ROBO2: variants seen among roughly 807,000 people sequenced by gnomAD.
ROBO2 encodes the protein roundabout homolog 2.
Under a neutral mutation model 160.8 loss-of-function variants are expected in ROBO2, and 53 were observed. The observed-to-expected ratio is 0.33, with a 90% confidence interval of 0.26 to 0.41. The LOEUF is 0.41. Among genes scored for constraint, ROBO2 ranks in the 10% least tolerant of loss-of-function variants. The pLI, the probability that ROBO2 is intolerant of heterozygous loss-of-function variation, is 1.00. For missense variants in ROBO2, 1,577 were observed against 1,722.4 expected, an observed-to-expected ratio of 0.92 and a Z score of 1.49; for synonymous variants, 664 against 611.7, an observed-to-expected ratio of 1.09 and a Z score of -1.26.
chr3:77,128,669 C>T (rs1263174755), intron 2 of ROBO2, among the ~76,000 whole-genome samples: 1 of 152,046 alleles, frequency 6.6e-6, no homozygotes, highest in Admixed American at 6.5e-5. Context: ...TAATGGTGGA[C>T]CTTTCATCCC....
At chr3:77,235,625 T>C (rs1242812839) in intron 2 of ROBO2, among the ~76,000 whole-genome samples, 1 of 152,250 alleles carries the variant, frequency 6.6e-6, no homozygotes, top group East Asian at 1.9e-4. Flanking sequence ...AAGTCTCAGA[T>C]ATTTCAGAAT....
At chr3:77,027,986 T>C (rs1307364236) in intron 2 of ROBO2, among the ~76,000 whole-genome samples, 1 of 152,140 alleles carries the variant, frequency 6.6e-6, no homozygotes, top group African/African-American at 2.4e-5. Flanking sequence ...TTCTCTAGTT[T>C]TTGTTTCAGT....
chr3:76,896,734 T>A (rs1170205755), intron 2 of ROBO2, among the ~76,000 whole-genome samples: 2 of 152,176 alleles, frequency 1.3e-5, no homozygotes, highest in African/African-American at 2.4e-5. Context: ...TGGGAGTTTA[T>A]CATATCCTCA....
At chr3:76,819,619 TGGAGAGAGCTTGTATGTTG>T (rs1317038702) in intron 2 of ROBO2, among the ~76,000 whole-genome samples, 1 of 152,034 alleles carries the variant, frequency 6.6e-6, no homozygotes, top group African/African-American at 2.4e-5. Context: ...CATTCATTGT[TGGAGAGAGCTTGTATGTTG>T]GGATTGTTGT....
At chr3:75,980,740 C>G (rs2065251708) in intron 2 of ROBO2, among the ~76,000 whole-genome samples, 1 of 151,474 alleles carries the variant, frequency 6.6e-6, no homozygotes, top group Non-Finnish European at 1.5e-5. Flanking sequence ...GACAAAAAGT[C>G]TGAGTGCCAT....
At chr3:75,946,527 G>A (rs556732652) in intron 2 of ROBO2, among the ~76,000 whole-genome samples, 2 of 152,144 alleles carry the variant, frequency 1.3e-5, no homozygotes, top group African/African-American at 2.4e-5. Context: ...TGGTAACATG[G>A]TTGAGTAAAA....
intron 2 of ROBO2, among the ~76,000 whole-genome samples, chr3:76,065,497 G>A (rs73842950): frequency 0.021 from 3,122 of 151,924 alleles, 45 homozygotes; most frequent in East Asian, 0.081. Flanking sequence ...ATTTTGCACT[G>A]TAAGAAACAA....
At chr3:76,093,111 C>G (rs1559547416) in intron 2 of ROBO2, among the ~76,000 whole-genome samples, 1 of 151,940 alleles carries the variant, frequency 6.6e-6, no homozygotes, top group Non-Finnish European at 1.5e-5. Context: ...TTTGAATTTT[C>G]TAGTCTTTAT....
chr3:77,481,016 T>A (rs1352012384), intron 3 of ROBO2, 83 bp from the exon 4 acceptor site: 1 of 1,264,990 alleles, frequency 7.9e-7, no homozygotes, highest in Admixed American at 1.7e-5. Flanking sequence ...GCTCAAATAC[T>A]CAAAACTATT....
At chr3:77,360,262 C>CA (rs894236973) in intron 2 of ROBO2, among the ~76,000 whole-genome samples, 7 of 150,802 alleles carry the variant, frequency 4.6e-5, no homozygotes, top group East Asian at 4.0e-4. Flanking sequence ...ACCCCCCCCC[C>CA]AAATTTAGAA....
intron 2 of ROBO2, among the ~76,000 whole-genome samples, chr3:76,053,187 T>TA: frequency 6.6e-6 from 1 of 152,044 alleles, no homozygotes; most frequent in Non-Finnish European, 1.5e-5. Context: ...CTTTTTACGT[T>TA]AAAGTACATG....
intron 2 of ROBO2, among the ~76,000 whole-genome samples, chr3:76,603,189 G>A (rs1485017858): frequency 6.6e-6 from 1 of 150,910 alleles, no homozygotes; most frequent in Non-Finnish European, 1.5e-5. Context: ...AAAATTAGCT[G>A]GGCACTGTGG....
chr3:77,192,274 T>G (rs560100243), intron 2 of ROBO2, among the ~76,000 whole-genome samples: 1 of 152,288 alleles, frequency 6.6e-6, no homozygotes, highest in African/African-American at 2.4e-5. Context: ...AACATGATTC[T>G]TTATTTAAAA....
At chr3:76,130,428 G>A (rs1464169110) in intron 2 of ROBO2, among the ~76,000 whole-genome samples, 1 of 152,078 alleles carries the variant, frequency 6.6e-6, no homozygotes, top group African/African-American at 2.4e-5. Flanking sequence ...TAAAAACATT[G>A]TTGAGTGAAA....
At chr3:77,364,721 T>G (rs2070577047) in intron 2 of ROBO2, among the ~76,000 whole-genome samples, 1 of 152,202 alleles carries the variant, frequency 6.6e-6, no homozygotes, top group Admixed American at 6.5e-5. Flanking sequence ...TGAGAGTATT[T>G]AATTAGATAA....
chr3:77,287,354 C>T (rs1481849205), intron 2 of ROBO2, among the ~76,000 whole-genome samples: 2 of 152,128 alleles, frequency 1.3e-5, no homozygotes, highest in Non-Finnish European at 2.9e-5. Context: ...AATTCAGCTA[C>T]AGGAATTATT....
chr3:76,809,936 TATGGAAAATATA>T (rs2065033260), intron 2 of ROBO2, among the ~76,000 whole-genome samples: 1 of 151,990 alleles, frequency 6.6e-6, no homozygotes, highest in South Asian at 2.1e-4. Flanking sequence ...AAAACTAGAA[TATGGAAAATATA>T]ATGGAAATAG....
rs74320489 is a variant in ROBO2, at chr3:75,936,779, A to G, written c.-13-702A>G. ...TTGGTGGACATTTAAGTATTTTCATATATCAATATGAAAAGCAGTTTCAAA... is the reference window on the plus strand; with the variant it reads ...TTGGTGGACATTTAAGTATTTTCATGTATCAATATGAAAAGCAGTTTCAAA... On this transcript the variant is annotated intron_variant, in intron 1 of 26. Coordinates refer to the ROBO2 transcript ENST00000487694. Among the ~76,000 whole-genome samples, 323 of 152,148 alleles carry G rather than the reference A, an allele frequency of 2.1e-3. 1 individual carries two copies. Among genetic ancestry groups the G allele is most frequent in the Middle Eastern group, 3.8e-3 (1 of 262 alleles).
intron 2 of ROBO2, among the ~76,000 whole-genome samples, chr3:77,287,746 G>A (rs1458883888): frequency 6.6e-6 from 1 of 152,106 alleles, no homozygotes; most frequent in Non-Finnish European, 1.5e-5. Context: ...TCAGCGAAGT[G>A]CTTTGATGTC....
Sources: allele counts gnomAD v4.1 joint callset (sites outside exome capture counted in the v4.1 genomes callset), GRCh38; gene constraint gnomAD v4.1.1; transcripts MANE v1.5; gene names NCBI Gene and HGNC (gene_info 2026-07-23, HGNC 2026-07-21).